The following PCDHA9 variants were observed in gnomAD, a reference collection of about 807,000 sequenced individuals.
PCDHA9 encodes the protein protocadherin alpha-9.
Under a neutral mutation model 62.0 loss-of-function variants are expected in PCDHA9, and 62 were observed. The ratio of observed to expected loss-of-function variants is 1.00; its 90% confidence interval spans 0.81 to 1.23. PCDHA9 has a LOEUF of 1.23. Ranked by LOEUF, PCDHA9 falls within the 50% of genes most tolerant of loss-of-function variation. The pLI is 0.00. For missense variants in PCDHA9, 1,205 were observed against 1,249.8 expected, an observed-to-expected ratio of 0.96 and a Z score of 0.54; for synonymous variants, 557 against 567.6, an observed-to-expected ratio of 0.98 and a Z score of 0.27.
intron 1 of PCDHA9, among the ~76,000 whole-genome samples, chr5:140,875,000 C>A (rs2055209641): frequency 3.3e-5 from 5 of 152,130 alleles, no homozygotes; most frequent in Admixed American, 3.3e-4. Flanking sequence ...TATCATTTTC[C>A]ATGATAAAGT....
chr5:140,868,875 C>T (rs1033473828), intron 1 of PCDHA9: 3 of 661,952 alleles, frequency 4.5e-6, no homozygotes, highest in African/African-American at 3.6e-5. Context: ...GTGCACAGTA[C>T]TCACAGTTTT....
intron 1 of PCDHA9, among the ~76,000 whole-genome samples, chr5:140,875,040 T>C (rs1369679625): frequency 2.0e-5 from 3 of 152,340 alleles, no homozygotes; most frequent in Admixed American, 2.0e-4. Flanking sequence ...ATTTGAAAGA[T>C]TTCTACTTTG....
intron 1 of PCDHA9, chr5:140,877,885 T>C: frequency 1.4e-6 from 2 of 1,463,874 alleles, no homozygotes; most frequent in Non-Finnish European, 1.8e-6. Flanking sequence ...CTTGAAGAAC[T>C]TCCGTTTAGG....
At chr5:140,883,973 G>C (rs782157297) in intron 1 of PCDHA9, 1 of 1,612,840 alleles carries the variant, frequency 6.2e-7, no homozygotes, top group Non-Finnish European at 8.5e-7. Flanking sequence ...GCTGACGCCC[G>C]GGGCTGGCAG....
chr5:140,850,076 G>A lies in PCDHA9; in HGVS notation c.1581G>A (p.Glu527=). ...VYALQPLDHE[E]LELLQFQVSA... Reference sequence around the variant, plus strand: ...CGCTGCAGCCGTTGGACCACGAGGAGCTGGAGCTGCTACAGTTCCAGGTGA... The same window carrying A: ...CGCTGCAGCCGTTGGACCACGAGGAACTGGAGCTGCTACAGTTCCAGGTGA... The change falls in exon 1 of 4, where the codon GAG becomes GAA. Residue 527 remains glutamate, a synonymous_variant. Transcript: ENST00000532602. 6 of 1,596,552 alleles carry A rather than the reference G, an allele frequency of 3.8e-6. 1 individual carries two copies. Among genetic ancestry groups the A allele is most frequent in the Non-Finnish European group, 5.1e-6 (6 of 1,167,850 alleles).
At chr5:140,968,626 T>C in intron 1 of PCDHA9, 1 of 1,614,156 alleles carries the variant, frequency 6.2e-7, no homozygotes. Context: ...ATGCTTGGCT[T>C]TTTTACCATC....
At position 140,884,460 on chromosome 5, in the gene PCDHA9, C is replaced by T. The variant is rs782410675; in HGVS notation, c.2394+33571C>T. ...TGCTCGGCACCGCCCACCGAGGGCG[C>T]GTGCGCGCCGGGCAAGCCCACTCTA... On this transcript the variant is annotated intron_variant, in intron 1 of 3. Coordinates refer to ENST00000532602, the MANE Select transcript of PCDHA9 (RefSeq NM_031857.2). The T allele has an allele frequency of 2.5e-6, 4 of 1,613,730 alleles. No homozygotes were observed. The highest frequency in any genetic ancestry group is 3.3e-5 in the Admixed American group (2 of 59,998).
rs182063339 is a variant in PCDHA9 at position 140,937,439 on chromosome 5, T to C, written c.2395-41510T>C. Among the ~76,000 whole-genome samples, 830 of 152,312 alleles carry C rather than the reference T, an allele frequency of 5.4e-3. 3 individuals are homozygous for C. The highest frequency in any genetic ancestry group is 0.019 in the African/African-American group (799 of 41,586). Reference sequence around the variant, plus strand: ...TAGATAGCTGATATTTTAATGCTATTTTAAAAGTTTAATTTTATAATACAA... The same window carrying C: ...TAGATAGCTGATATTTTAATGCTATCTTAAAAGTTTAATTTTATAATACAA... On this transcript the variant is annotated intron_variant, in intron 1 of 3. Coordinates refer to ENST00000532602, the MANE Select transcript of PCDHA9 (RefSeq NM_031857.2).
chr5:140,849,620 C>A lies in PCDHA9; in HGVS notation c.1125C>A (p.Ile375=), dbSNP rs2040998983. 6.3e-7 allele frequency: 1 copy of A among 1,598,622 alleles called. No individual in the cohort carries two copies. Among genetic ancestry groups the A allele is most frequent in the Non-Finnish European group, 8.6e-7 (1 of 1,167,952 alleles). The part of the protein sequence containing the change: ...LGTVIALISV[I]DLDADANGQV... Reference sequence around the variant, plus strand: ...CAGTTATTGCCCTGATTAGTGTGATCGACCTAGACGCAGATGCCAACGGGC... The same window carrying A: ...CAGTTATTGCCCTGATTAGTGTGATAGACCTAGACGCAGATGCCAACGGGC... The change falls in exon 1 of 4, where the codon ATC becomes ATA. Residue 375 remains isoleucine (I), a synonymous_variant. Transcript: ENST00000532602.
rs189790601 is a variant in PCDHA9 at position 140,875,550 on chromosome 5, G to A, written c.2394+24661G>A. ...TTCTGCTCCTTGCAGCCTGGGAGGTGGGGAGCGGCCAGCTCCACTACTCCG... is the reference window on the plus strand; with the variant it reads ...TTCTGCTCCTTGCAGCCTGGGAGGTAGGGAGCGGCCAGCTCCACTACTCCG... On this transcript the variant is annotated intron_variant, in intron 1 of 3. Transcript: ENST00000532602. 51 of 1,614,134 alleles carry A rather than the reference G, an allele frequency of 3.2e-5. No homozygotes were observed. In the African/African-American group the frequency reaches 5.7e-4, roughly 18 times the overall value.
chr5:141,009,356 G>A (rs535761188), intron 3 of PCDHA9, among the ~76,000 whole-genome samples: 1 of 152,204 alleles, frequency 6.6e-6, no homozygotes, highest in Admixed American at 6.5e-5. Flanking sequence ...CTACTTGGGA[G>A]GCTAAGATGG....
At chr5:140,862,923 C>T in intron 1 of PCDHA9, 1 of 546,076 alleles carries the variant, frequency 1.8e-6, no homozygotes, top group South Asian at 1.4e-5. Flanking sequence ...CTTGGGTGGG[C>T]TGGCGGCGCT....
intron 1 of PCDHA9, among the ~76,000 whole-genome samples, chr5:140,940,172 C>T (rs1177302028): frequency 6.6e-6 from 1 of 152,102 alleles, no homozygotes; most frequent in Non-Finnish European, 1.5e-5. Flanking sequence ...AAATGTCATT[C>T]TTGATAGATA....
intron 1 of PCDHA9, among the ~76,000 whole-genome samples, chr5:140,872,601 AAAT>A (rs1346815805): frequency 2.6e-5 from 4 of 152,140 alleles, no homozygotes; most frequent in African/African-American, 7.2e-5. Flanking sequence ...CCATCTGAAA[AAAT>A]AATTTTTTTT....
Position 140,849,664 on chromosome 5 carries a change from C to A in PCDHA9, c.1169C>A (p.Thr390Lys), listed in dbSNP as rs2150444192. 1 of 1,598,668 alleles carries A rather than the reference C, an allele frequency of 6.3e-7. No individual in the cohort carries two copies. Among genetic ancestry groups the A allele is most frequent in the African/African-American group, 1.3e-5 (1 of 74,468 alleles). The change falls in exon 1 of 4, where the codon ACG (threonine) becomes AAG (lysine). Residue 390 changes from threonine to lysine, a missense_variant. Physicochemically the swap from Thr to Lys is moderately conservative, Grantham distance 78. Transcript: ENST00000532602. ...DANGQVTCSL[T>K]PHVPFKLVST... ...AACGGGCAGGTTACCTGCTCCCTGA[C>A]GCCCCACGTCCCCTTCAAGCTGGTG...
At chr5:140,982,417 GA>G (rs1554244117) in intron 2 of PCDHA9, 57 bp from the exon 3 acceptor site, 1 of 1,610,428 alleles carries the variant, frequency 6.2e-7, no homozygotes, top group African/African-American at 1.3e-5. Flanking sequence ...GAGGGTGGAA[GA>G]AGAGATGGGA....
chr5:140,857,774 G>A (rs554890390), intron 1 of PCDHA9: 8 of 1,597,758 alleles, frequency 5.0e-6, no homozygotes, highest in Admixed American at 1.7e-5. Context: ...GGGCGGTGCA[G>A]TCAGTGAGCT....
intron 1 of PCDHA9, chr5:140,883,577 G>C: frequency 1.2e-6 from 2 of 1,614,052 alleles, no homozygotes; most frequent in South Asian, 1.1e-5. Context: ...TTCGCTGTGG[G>C]CCACGGCCAG....
intron 1 of PCDHA9, chr5:140,884,505 G>A: frequency 6.2e-7 from 1 of 1,614,170 alleles, no homozygotes. Context: ...AGCGCGGCAG[G>A]GAGTTGGTCG....
Sources: allele counts gnomAD v4.1 joint callset (sites outside exome capture counted in the v4.1 genomes callset), GRCh38; gene constraint gnomAD v4.1.1; transcripts MANE v1.5; gene names NCBI Gene and HGNC (gene_info 2026-07-23, HGNC 2026-07-21).